The following ZNF195 variants were observed in gnomAD, a reference collection of about 807,000 sequenced individuals.
The protein encoded by ZNF195 is hypoxia-regulated factor-1.
Under a neutral mutation model 19.5 loss-of-function variants are expected in ZNF195, and 11 were observed. That is an observed-to-expected ratio of 0.57 (90% CI 0.36 to 0.94). The LOEUF (loss-of-function observed/expected upper bound fraction) is 0.94. Ranked by LOEUF, ZNF195 falls within the 40% of genes least tolerant of loss-of-function variation. The probability of loss-of-function intolerance (pLI) is 0.01; values close to 1 mark genes in which losing one functional copy is unlikely to be tolerated. For missense variants in ZNF195, 582 were observed against 709.0 expected (o/e 0.82, Z 2.03); for synonymous variants, 214 against 248.1 (o/e 0.86, Z 1.29).
At chr11:3,376,096 G>C (rs7102403) in intron 1 of ZNF195, among the ~76,000 whole-genome samples, 112,187 of 152,044 alleles carry the variant, frequency 0.74, 41,852 homozygotes, top group Middle Eastern at 0.8. Context: ...CCATACCCAG[G>C]AAGTCCTCCC....
At chr11:3,362,844 T>G in intron 3 of ZNF195, 1 of 241,392 alleles carries the variant, frequency 4.1e-6, no homozygotes, top group Non-Finnish European at 7.9e-6. Flanking sequence ...CTACAAGAGA[T>G]TCACTTGAGA....
In ZNF195 at chr11:3,379,027, C is replaced by T; in HGVS notation, c.3+11G>A. 2.0e-6 allele frequency: 3 copies of T among 1,489,442 alleles called. No individual in the cohort carries two copies. Among genetic ancestry groups the T allele is most frequent in the Non-Finnish European group, 2.7e-6 (3 of 1,109,288 alleles). 92.3% of individuals were successfully genotyped at this position (1,489,442 alleles called of 1,614,324 possible). On this transcript the variant is annotated intron_variant, in intron 1 of 5. Coordinates refer to ENST00000399602, the MANE Select transcript of ZNF195 (RefSeq NM_001130520.3). ...TCCCTGTCTCTCAGGAGGCCTGGCCCCTACACTCACCATCTCCTGGCCTCC... is the reference window on the plus strand; with the variant it reads ...TCCCTGTCTCTCAGGAGGCCTGGCCTCTACACTCACCATCTCCTGGCCTCC...
At chr11:3,370,247 TAC>T (rs1377101703) in intron 3 of ZNF195, among the ~76,000 whole-genome samples, 1 of 151,716 alleles carries the variant, frequency 6.6e-6, no homozygotes, top group Non-Finnish European at 1.5e-5. Flanking sequence ...TATGCACACA[TAC>T]ATACATATGA....
In ZNF195 at chr11:3,372,661, G is replaced by GACAAATAAATATCTCCCAGGTTCTT. The variant is rs1849271131; in HGVS notation, c.4-959_4-958insAAGAACCTGGGAGATATTTATTTGT. Reference sequence around the variant, plus strand: ...GACAAATAAATATCTCCCAGGTTCTGACAAATAAATATCTCCTATGTTCTG... The same window carrying GACAAATAAATATCTCCCAGGTTCTT: ...GACAAATAAATATCTCCCAGGTTCTGACAAATAAATATCTCCCAGGTTCTTACAAATAAATATCTCCTATGTTCTG... On this transcript the variant is annotated intron_variant, in intron 1 of 5. Transcript: ENST00000399602. 2.0e-5 allele frequency among the ~76,000 whole-genome samples: 3 copies of GACAAATAAATATCTCCCAGGTTCTT among 152,230 alleles called. No individual in the cohort carries two copies. The South Asian group carries it at 6.2e-4, about 32-fold the overall frequency.
intron 3 of ZNF195, chr11:3,368,642 C>A (rs975620963): frequency 1.6e-5 from 3 of 190,240 alleles, no homozygotes; most frequent in African/African-American, 4.7e-5. Flanking sequence ...AAGAACAAGG[C>A]AAGAGGCATA....
chr11:3,374,089 T>C (rs1286811724), intron 1 of ZNF195, among the ~76,000 whole-genome samples: 1 of 152,230 alleles, frequency 6.6e-6, no homozygotes. Context: ...AGGCAGAATC[T>C]GTGAGGGCAA....
chr11:3,366,263 C>CAA (rs35338297), intron 3 of ZNF195, among the ~76,000 whole-genome samples: 2,574 of 88,534 alleles, frequency 0.029, 116 homozygotes, highest in Non-Finnish European at 0.033. Flanking sequence ...GACTCCATCT[C>CAA]AAAAAAAAAA....
intron 3 of ZNF195, chr11:3,362,674 AAGAG>A (rs1848689797): frequency 2.2e-6 from 1 of 445,840 alleles, no homozygotes; most frequent in Admixed American, 3.7e-5. Flanking sequence ...ACAAAAAGGA[AAGAG>A]AGAAAGAAAA....
chr11:3,359,374 G>A lies in ZNF195; in HGVS notation c.1634C>T (p.Thr545Ile), dbSNP rs986873274. 1 of 1,614,082 alleles carries A rather than the reference G, an allele frequency of 6.2e-7. No homozygotes were observed. Among genetic ancestry groups the A allele is most frequent in the Non-Finnish European group, 8.5e-7 (1 of 1,179,998 alleles). Reference sequence around the variant, plus strand: ...TTCACACTTGTAGGGTTTCTCTCCAGTATGAATTCTCTTATGTACAATAAG... The same window carrying A: ...TTCACACTTGTAGGGTTTCTCTCCAATATGAATTCTCTTATGTACAATAAG... Reference protein sequence around the residue: ...SNLIVHKRIHTGEKPYKCEEC... With the variant: ...SNLIVHKRIHIGEKPYKCEEC... The change falls in exon 6 of 6, where the codon ACT becomes ATT. Residue 545 changes from threonine to isoleucine, a missense_variant. Physicochemically the swap from Thr to Ile is moderately conservative, Grantham distance 89. Coordinates refer to ENST00000399602, the MANE Select transcript of ZNF195 (RefSeq NM_001130520.3). This position sits in a 1 kb window ranked among gnomAD's most constrained non-coding sequence, Gnocchi z 5.5.
intron 2 of ZNF195, 45 bp from the exon 3 acceptor site, chr11:3,371,115 C>T: frequency 6.3e-7 from 1 of 1,580,386 alleles, no homozygotes; most frequent in Non-Finnish European, 8.7e-7. Flanking sequence ...TGAAATTCTC[C>T]AATTATCAAC....
chr11:3,376,362 C>T (rs1236464255), intron 1 of ZNF195, among the ~76,000 whole-genome samples: 2 of 152,104 alleles, frequency 1.3e-5, no homozygotes, highest in East Asian at 3.9e-4. Flanking sequence ...AAAAAAGTCT[C>T]ATAATGTTTT....
intron 1 of ZNF195, among the ~76,000 whole-genome samples, chr11:3,374,237 G>A (rs1849349598): frequency 6.6e-6 from 1 of 152,208 alleles, no homozygotes; most frequent in African/African-American, 2.4e-5. Flanking sequence ...TAAGTCATGT[G>A]ATTCTGAAGA....
intron 3 of ZNF195, among the ~76,000 whole-genome samples, chr11:3,367,863 G>A (rs1848980830): frequency 6.6e-6 from 1 of 151,918 alleles, no homozygotes; most frequent in Admixed American, 6.5e-5. Flanking sequence ...CCTGAGGTCG[G>A]GAGTTCGAGG....
rs1849350875 is a variant in ZNF195, at chr11:3,374,269, G to A, written c.4-2566C>T. On this transcript the variant is annotated intron_variant, in intron 1 of 5. Coordinates refer to ENST00000399602, the MANE Select transcript of ZNF195 (RefSeq NM_001130520.3). ...AAGATTTCAAAGGGGTTCATGGGTT[G>A]GATTTTTTAACAGTTCTGCCATTAA... 2.0e-5 allele frequency among the ~76,000 whole-genome samples: 3 copies of A among 152,278 alleles called. No individual in the cohort carries two copies. The South Asian group carries it at 6.2e-4, about 32-fold the overall frequency.
At position 3,359,875 on chromosome 11, in the gene ZNF195, C is replaced by T. The variant is rs751528875; in HGVS notation, c.1133G>A (p.Gly378Glu). Reference sequence around the variant, plus strand: ...TGTTTCACATTTGGAGAGCTTCTCTCCAGCAAGAATCATCTGTTGATTAGA... The same window carrying T: ...TGTTTCACATTTGGAGAGCTTCTCTTCAGCAAGAATCATCTGTTGATTAGA... ...SLSNQQMILA[G>E]EKLSKCETWY... The change falls in exon 6 of 6, where the codon GGA (glycine) becomes GAA (glutamate). Residue 378 changes from glycine (G) to glutamate (E), a missense_variant. By Grantham distance (98) the Gly-to-Glu change is moderately conservative. This residue lies in a region of ZNF195 where 407 missense variants were observed against 530.5 expected (regional missense o/e 0.77). Transcript: ENST00000399602. This position sits in a 1 kb window ranked among gnomAD's most constrained non-coding sequence, Gnocchi z 5.5. 37 of 1,613,932 alleles carry T rather than the reference C, an allele frequency of 2.3e-5. No homozygotes were observed. The highest frequency in any genetic ancestry group is 3.1e-5 in the Non-Finnish European group (37 of 1,179,984).
chr11:3,360,439 T>C lies in ZNF195; in HGVS notation c.569A>G (p.Glu190Gly), dbSNP rs751632323. Residue 190 changes from glutamate to glycine, a missense_variant, in exon 6 of 6, where the codon GAA becomes GGA. Around this residue, in one of 3 missense-constraint regions of ZNF195, gnomAD observed 407 missense variants for 530.5 expected, o/e 0.77. Transcript: ENST00000399602. ...LDNLYLRKDWESLDECKLQKD... is the reference protein window; with the variant it reads ...LDNLYLRKDWGSLDECKLQKD... ...TTGCAACTTACACTCATCTAAACTT[T>C]CCCAGTCTTTCCTTAAATATAAATT... is the stretch of plus-strand genomic sequence containing the variant. 1 of 1,612,684 alleles carries C rather than the reference T, an allele frequency of 6.2e-7. No individual in the cohort carries two copies. Among genetic ancestry groups the C allele is most frequent in the Non-Finnish European group, 8.5e-7 (1 of 1,179,860 alleles).
At chr11:3,362,227 A>C (rs1392413910) in intron 3 of ZNF195, among the ~76,000 whole-genome samples, 1 of 152,220 alleles carries the variant, frequency 6.6e-6, no homozygotes, top group Non-Finnish European at 1.5e-5. Context: ...GTCAAACAAG[A>C]AATGGTAAAA....
At chr11:3,372,680 TGTTCTGACAAATATCTCCCAG>T (rs1470370112) in intron 1 of ZNF195, among the ~76,000 whole-genome samples, 2 of 21,026 alleles carry the variant, frequency 9.5e-5, no homozygotes, top group East Asian at 7.4e-4. Context: ...ATATCTCCTA[TGTTCTGACAAATATCTCCCAG>T]GTTCTGACAA....
chr11:3,377,916 A>G, intron 1 of ZNF195: 3 of 986,592 alleles, frequency 3.0e-6, no homozygotes, highest in African/African-American at 1.7e-5. Context: ...GAAAATAAAA[A>G]GGAGGAGAGG....
Sources: gnomAD v4.1 joint callset for allele counts (sites outside exome capture counted in the v4.1 genomes callset) on GRCh38, gnomAD v4.1.1 for gene constraint, gnomAD v4.1.1 regional missense constraint, Gnocchi (gnomAD v3.1) non-coding constraint, MANE v1.5 for transcripts, NCBI Gene and HGNC (gene_info 2026-07-23, HGNC 2026-07-21) for gene names.